SPIRE1: variants seen among roughly 807,000 people sequenced by gnomAD.
SPIRE1 encodes spire type actin nucleation factor 1.
A neutral mutation model predicts 94.1 loss-of-function variants in SPIRE1; 40 were observed. The ratio of observed to expected loss-of-function variants is 0.43; its 90% CI spans 0.33 to 0.55. The LOEUF (loss-of-function observed/expected upper bound fraction) is 0.55. Ranked by LOEUF, SPIRE1 falls within the 20% of genes least tolerant of loss-of-function variation. SPIRE1 has a pLI of 0.06. For synonymous variants in SPIRE1, 376 were observed against 371.7 expected (o/e 1.01, Z -0.13); for missense variants, 838 against 975.2 (o/e 0.86, Z 1.87).
intron 4 of SPIRE1, among the ~76,000 whole-genome samples, chr18:12,524,482 G>A (rs2034445158): frequency 1.3e-5 from 2 of 152,152 alleles, no homozygotes; most frequent in African/African-American, 2.4e-5. Context: ...CTGATGGGGG[G>A]AAAAATGTTT....
At chr18:12,622,026 C>T (rs1438352652) in intron 2 of SPIRE1, among the ~76,000 whole-genome samples, 1 of 152,140 alleles carries the variant, frequency 6.6e-6, no homozygotes, top group African/African-American at 2.4e-5. Flanking sequence ...TACTGAACTG[C>T]AGAAGCTCAA....
intron 16 of SPIRE1, chr18:12,451,068 A>C: frequency 2.5e-6 from 1 of 393,800 alleles, no homozygotes; most frequent in Non-Finnish European, 4.6e-6. Context: ...GAGACTGTCC[A>C]TTTGAAAAAA....
At chr18:12,626,574 A>G (rs890040332) in intron 2 of SPIRE1, among the ~76,000 whole-genome samples, 1 of 152,198 alleles carries the variant, frequency 6.6e-6, no homozygotes, top group Non-Finnish European at 1.5e-5. Context: ...GAGGCATATA[A>G]GGAGATACAA....
chr18:12,486,373 C>T (rs1270152688), intron 8 of SPIRE1, among the ~76,000 whole-genome samples: 1 of 152,166 alleles, frequency 6.6e-6, no homozygotes, highest in Non-Finnish European at 1.5e-5. Context: ...CATACAACAT[C>T]TTTAAAATTT....
chr18:12,546,525 C>A, intron 3 of SPIRE1, 149 bp downstream of exon 3: 1 of 655,332 alleles, frequency 1.5e-6, no homozygotes, highest in Non-Finnish European at 2.7e-6. Flanking sequence ...CCCAGCTACT[C>A]ATGAGGCAGA....
At chr18:12,525,004 C>CGGTGGCTCACGCCT (rs1327387366) in intron 4 of SPIRE1, among the ~76,000 whole-genome samples, 1 of 150,548 alleles carries the variant, frequency 6.6e-6, no homozygotes, top group Admixed American at 6.6e-5. Context: ...TGGCCAGGCA[C>CGGTGGCTCACGCCT]GGTGGCTCAC....
intron 6 of SPIRE1, among the ~76,000 whole-genome samples, chr18:12,505,209 G>T (rs961502168): frequency 3.3e-5 from 5 of 152,130 alleles, no homozygotes; most frequent in African/African-American, 1.2e-4. Flanking sequence ...CCACTTAGAG[G>T]TTACTGTCAT....
intron 3 of SPIRE1, among the ~76,000 whole-genome samples, chr18:12,539,517 T>A (rs2034947512): frequency 6.6e-6 from 1 of 151,612 alleles, no homozygotes; most frequent in Non-Finnish European, 1.5e-5. Context: ...ATTGAACAAG[T>A]CAACATCCCG....
chr18:12,476,594 C>T (rs1295441097), intron 10 of SPIRE1, among the ~76,000 whole-genome samples: 12 of 131,100 alleles, frequency 9.2e-5, no homozygotes, highest in Non-Finnish European at 1.3e-4. Context: ...TATATACACA[C>T]ACACACACAC....
chr18:12,550,748 T>C (rs1940973), intron 2 of SPIRE1, among the ~76,000 whole-genome samples: 12,342 of 152,158 alleles, frequency 0.081, 646 homozygotes, highest in Middle Eastern at 0.16. Flanking sequence ...GAAACACAAA[T>C]ACTAAAATCA....
At chr18:12,567,126 G>A (rs149205164) in intron 2 of SPIRE1, among the ~76,000 whole-genome samples, 49 of 152,272 alleles carry the variant, frequency 3.2e-4, no homozygotes, top group African/African-American at 1.2e-3. Context: ...TAGCAAGGTT[G>A]CAGGATACAA....
At chr18:12,562,090 G>A (rs2035703499) in intron 2 of SPIRE1, among the ~76,000 whole-genome samples, 1 of 152,154 alleles carries the variant, frequency 6.6e-6, no homozygotes. Context: ...CAGAAAACTA[G>A]CATTCAGTTT....
upstream of SPIRE1, among the ~76,000 whole-genome samples, chr18:12,660,374 G>A (rs2038671917): frequency 6.6e-6 from 1 of 150,988 alleles, no homozygotes; most frequent in African/African-American, 2.4e-5. Context: ...CCAGGCTAGG[G>A]TCAGTGCCGC....
intron 3 of SPIRE1, among the ~76,000 whole-genome samples, 173 bp downstream of exon 3, chr18:12,546,500 GC>G (rs1181592344): frequency 6.6e-6 from 1 of 151,802 alleles, no homozygotes; most frequent in Non-Finnish European, 1.5e-5. Context: ...AGGTGTGGTG[GC>G]ATACACCTGT....
At chr18:12,629,094 C>T (rs1414095915) in intron 2 of SPIRE1, among the ~76,000 whole-genome samples, 2 of 152,138 alleles carry the variant, frequency 1.3e-5, no homozygotes, top group Non-Finnish European at 2.9e-5. Flanking sequence ...AATACTTTAA[C>T]CTATTCCACT....
intron 4 of SPIRE1, among the ~76,000 whole-genome samples, chr18:12,530,418 T>C (rs2034650285): frequency 6.6e-6 from 1 of 152,160 alleles, no homozygotes; most frequent in African/African-American, 2.4e-5. Flanking sequence ...CAAGGCTGGA[T>C]GGAGCACAGT....
Position 12,546,829 on chromosome 18 carries a change from T to G in SPIRE1, c.448A>C (p.Ser150Arg), listed in dbSNP as rs1171813837. The stretch of plus-strand genomic sequence containing the variant: ...TCGATAAGCTGCTCTAGGGGAGGGC[T>G]TAATTCCCTTTCTTCATTCTCCTTC... ...GLKENEERELSPPLEQLIDHM... is the reference protein window; with the variant it reads ...GLKENEERELRPPLEQLIDHM... Residue 150 changes from serine to arginine, a missense_variant, in exon 3 of 17, where the codon AGC (serine) becomes CGC (arginine). Physicochemically the swap from Ser to Arg is moderately radical, Grantham distance 110. This residue lies in a region of SPIRE1 where 645 missense variants were observed against 804.7 expected (regional missense o/e 0.80). Coordinates refer to ENST00000409402, the MANE Select transcript of SPIRE1 (RefSeq NM_001128626.2). The G allele has an allele frequency of 3.1e-6, 5 of 1,613,978 alleles. No homozygotes were observed. The highest frequency in any genetic ancestry group is 4.2e-6 in the Non-Finnish European group (5 of 1,180,016).
chr18:12,643,853 C>G, intron 1 of SPIRE1, among the ~76,000 whole-genome samples: 1 of 151,632 alleles, frequency 6.6e-6, no homozygotes, highest in Non-Finnish European at 1.5e-5. Flanking sequence ...GAATACAGTA[C>G]TATTCTTTAA....
intron 2 of SPIRE1, among the ~76,000 whole-genome samples, chr18:12,583,588 G>A (rs2036312194): frequency 6.6e-6 from 1 of 151,432 alleles, no homozygotes; most frequent in Admixed American, 6.6e-5. Context: ...GTGACAGAGT[G>A]AGACTCCGTC....
Sources: allele counts gnomAD v4.1 joint callset (sites outside exome capture counted in the v4.1 genomes callset), GRCh38; gene constraint gnomAD v4.1.1; regional missense constraint gnomAD v4.1.1; transcripts MANE v1.5; gene names NCBI Gene and HGNC (gene_info 2026-07-23, HGNC 2026-07-21).